The following BCAR3 variants were observed in gnomAD, a reference collection of about 807,000 sequenced individuals.
BCAR3 encodes BCAR3 adaptor protein, NSP family member, also known as breast cancer anti-estrogen resistance protein 3.
In BCAR3, 37 loss-of-function variants were observed where a neutral mutation model predicts 80.1. The observed-to-expected ratio is 0.46, with a 90% CI of 0.36 to 0.61. The LOEUF is 0.61. BCAR3 is among the 20% of genes least tolerant of loss of function. BCAR3 has a pLI of 0.00. For synonymous variants in BCAR3, 389 were observed against 418.9 expected, an observed-to-expected ratio of 0.93 and a Z score of 0.87; for missense variants, 978 against 1,068.2, an observed-to-expected ratio of 0.92 and a Z score of 1.18.
intron 2 of BCAR3, among the ~76,000 whole-genome samples, chr1:93,811,065 T>A (rs1450608700): frequency 3.3e-5 from 5 of 152,000 alleles, no homozygotes; most frequent in African/African-American, 7.3e-5. Context: ...GAAAAAATTA[T>A]CAGAAAAAAA....
intron 2 of BCAR3, among the ~76,000 whole-genome samples, chr1:93,762,743 C>A (rs1333090331): frequency 6.6e-6 from 1 of 152,160 alleles, no homozygotes; most frequent in Non-Finnish European, 1.5e-5. Context: ...GCAAAGATGG[C>A]CCTTCAAACC....
intron 2 of BCAR3, among the ~76,000 whole-genome samples, chr1:93,799,239 T>G (rs1653392977): frequency 6.6e-6 from 1 of 152,226 alleles, no homozygotes; most frequent in East Asian, 1.9e-4. Context: ...ACACCCAGGA[T>G]GATGCCATGG....
At chr1:93,614,053 T>C in intron 3 of BCAR3, 1 of 1,452,278 alleles carries the variant, frequency 6.9e-7, no homozygotes, top group Non-Finnish European at 9.1e-7. Flanking sequence ...GTCAGGGAAG[T>C]CGGCAGCCGG....
chr1:93,585,853 C>G (rs1278490387), intron 5 of BCAR3, among the ~76,000 whole-genome samples: 1 of 152,152 alleles, frequency 6.6e-6, no homozygotes, highest in African/African-American at 2.4e-5. Context: ...ATCCTCCCAC[C>G]TCAGCCTCTC....
chr1:93,696,597 T>G (rs1448717333), intron 3 of BCAR3, among the ~76,000 whole-genome samples: 1 of 152,148 alleles, frequency 6.6e-6, no homozygotes, highest in African/African-American at 2.4e-5. Flanking sequence ...CTGTCTTCCA[T>G]GCAGGCCCCA....
intron 3 of BCAR3, among the ~76,000 whole-genome samples, chr1:93,625,842 G>GAA (rs1288855359): frequency 6.6e-5 from 10 of 152,282 alleles, no homozygotes; most frequent in Admixed American, 3.3e-4. Context: ...AAGGAGCCAA[G>GAA]GCTGCAGCAA....
intron 7 of BCAR3, among the ~76,000 whole-genome samples, chr1:93,580,513 GA>G (rs60517686): frequency 0.062 from 7,566 of 122,972 alleles, 556 homozygotes; most frequent in African/African-American, 0.19. Flanking sequence ...AAATATTCAG[GA>G]AAAAAAAAAA....
At chr1:93,811,655 G>C (rs1653849885) in intron 2 of BCAR3, among the ~76,000 whole-genome samples, 1 of 152,106 alleles carries the variant, frequency 6.6e-6, no homozygotes, top group African/African-American at 2.4e-5. Context: ...CCAATGCTTG[G>C]GGCCCAAAGT....
Position 93,822,359 on chromosome 1 carries a change from G to A in BCAR3, c.-63+23208C>T, listed in dbSNP as rs1654255853. ...GCATGGCTAATTTTTTTTTTTTTGAGACGGAGTTTTGCTCTTGTTGTCCAG... is the reference window on the plus strand; with the variant it reads ...GCATGGCTAATTTTTTTTTTTTTGAAACGGAGTTTTGCTCTTGTTGTCCAG... On this transcript the variant is annotated intron_variant, in intron 2 of 13. Coordinates refer to the BCAR3 transcript ENST00000370244. Among the ~76,000 whole-genome samples, 3 of 142,998 alleles carry A rather than the reference G, an allele frequency of 2.1e-5. No individual in the cohort carries two copies. In the South Asian group the frequency reaches 6.5e-4, roughly 31 times the overall value. 93.8% of individuals were successfully genotyped at this position (142,998 alleles called of 152,430 possible). A position where few individuals can be genotyped will look rare whatever the true frequency, so the allele number is the denominator to read the frequency against.
chr1:93,829,201 A>C (rs1654475621), intron 2 of BCAR3, among the ~76,000 whole-genome samples: 1 of 152,026 alleles, frequency 6.6e-6, no homozygotes, highest in Non-Finnish European at 1.5e-5. Flanking sequence ...GATTGGGTTG[A>C]CCAGGTGTGC....
intron 2 of BCAR3, among the ~76,000 whole-genome samples, chr1:93,815,236 C>A (rs1256732419): frequency 1.3e-5 from 2 of 152,180 alleles, no homozygotes; most frequent in Non-Finnish European, 2.9e-5. Flanking sequence ...CTCATTATCA[C>A]TTTATATTTA....
At chr1:93,742,351 T>C (rs1651206842) in intron 2 of BCAR3, among the ~76,000 whole-genome samples, 1 of 152,208 alleles carries the variant, frequency 6.6e-6, no homozygotes, top group African/African-American at 2.4e-5. Flanking sequence ...CTTTATAGTC[T>C]TAGGAAGAAA....
At chr1:93,659,951 T>A (rs1440827121) in intron 2 of BCAR3, among the ~76,000 whole-genome samples, 2 of 152,170 alleles carry the variant, frequency 1.3e-5, no homozygotes, top group Non-Finnish European at 2.9e-5. Context: ...CCCGTCTATG[T>A]CCCTTACTGG....
At chr1:93,768,737 C>T (rs141828737) in intron 2 of BCAR3, among the ~76,000 whole-genome samples, 1 of 152,290 alleles carries the variant, frequency 6.6e-6, no homozygotes, top group Non-Finnish European at 1.5e-5. Context: ...GGAAGTGGGG[C>T]TGGAGGGGAT....
intron 2 of BCAR3, among the ~76,000 whole-genome samples, chr1:93,845,293 G>T (rs761465246): frequency 5.3e-5 from 8 of 151,828 alleles, no homozygotes; most frequent in Non-Finnish European, 1.2e-4. Context: ...GACCAGTGGA[G>T]ACCCTGAGAT....
intron 2 of BCAR3, among the ~76,000 whole-genome samples, chr1:93,798,707 A>G (rs1224771332): frequency 6.6e-6 from 1 of 152,212 alleles, no homozygotes; most frequent in Non-Finnish European, 1.5e-5. Context: ...TGTCTACATG[A>G]GACACAACGA....
intron 3 of BCAR3, among the ~76,000 whole-genome samples, chr1:93,642,024 T>C (rs1251184185): frequency 2.0e-5 from 3 of 152,200 alleles, no homozygotes; most frequent in Non-Finnish European, 2.9e-5. Flanking sequence ...AGTATTACTA[T>C]ACGTACCATA....
intron 2 of BCAR3, among the ~76,000 whole-genome samples, chr1:93,787,454 C>T (rs1048141847): frequency 2.0e-5 from 3 of 152,236 alleles, no homozygotes; most frequent in African/African-American, 7.2e-5. Flanking sequence ...TTTAATGCTA[C>T]GAACTTTCCT....
chr1:93,565,736 G>GAAAC (rs1241965359), intron 11 of BCAR3, among the ~76,000 whole-genome samples: 2 of 152,158 alleles, frequency 1.3e-5, no homozygotes, highest in East Asian at 1.9e-4. Context: ...GGAAGAAAAT[G>GAAAC]AAACAGGTAT....
Sources: allele counts gnomAD v4.1 joint callset (sites outside exome capture counted in the v4.1 genomes callset), GRCh38; gene constraint gnomAD v4.1.1; transcripts MANE v1.5; gene names NCBI Gene and HGNC (gene_info 2026-07-23, HGNC 2026-07-21).